Variants in RAI1 observed in about 807,000 individuals in gnomAD.
RAI1 encodes retinoic acid-induced protein 1.
In RAI1, 9 loss-of-function variants were observed where a neutral mutation model predicts 123.8. The ratio of observed to expected loss-of-function variants is 0.07; its 90% confidence interval spans 0.04 to 0.13. RAI1 has a LOEUF of 0.13. Ranked by LOEUF, RAI1 falls within the 10% of genes least tolerant of loss-of-function variation. The pLI is 1.00. For missense variants in RAI1, 2,256 were observed against 2,545.8 expected (o/e 0.89, Z 2.45); for synonymous variants, 1,231 against 1,127.3 (o/e 1.09, Z -1.84).
intron 1 of RAI1, among the ~76,000 whole-genome samples, chr17:17,710,334 A>G (rs2142903832): frequency 6.6e-6 from 1 of 151,890 alleles, no homozygotes; most frequent in Middle Eastern, 3.4e-3. Flanking sequence ...CCCCATGGAG[A>G]CCCCGGGGTA....
At chr17:17,783,041 G>A (rs7502200) in intron 2 of RAI1, among the ~76,000 whole-genome samples, 4 of 150,840 alleles carry the variant, frequency 2.7e-5, no homozygotes, top group East Asian at 4.0e-4. Context: ...GGGCGGCTAC[G>A]GGAGAATCAG....
chr17:17,807,507 C>A (rs1006996536), intron 4 of RAI1, among the ~76,000 whole-genome samples: 8 of 152,264 alleles, frequency 5.3e-5, no homozygotes, highest in African/African-American at 1.9e-4. Context: ...GGCTGCTACA[C>A]CACAGTGTCC....
intron 1 of RAI1, among the ~76,000 whole-genome samples, chr17:17,712,031 C>T (rs956934956): frequency 3.9e-5 from 6 of 152,236 alleles, no homozygotes; most frequent in African/African-American, 1.2e-4. Flanking sequence ...ATGCTGGCTC[C>T]GTTAACAAAA....
intron 2 of RAI1, among the ~76,000 whole-genome samples, chr17:17,738,201 G>A (rs1206060000): frequency 1.3e-5 from 2 of 150,778 alleles, no homozygotes; most frequent in Non-Finnish European, 3.0e-5. Context: ...CCTGACAGAG[G>A]AAGGTGAGGG....
chr17:17,697,413 G>T (rs1915075627), intron 1 of RAI1, among the ~76,000 whole-genome samples: 1 of 152,240 alleles, frequency 6.6e-6, no homozygotes, highest in African/African-American at 2.4e-5. Context: ...GAAATGAAAA[G>T]ATTAGGGAAA....
Position 17,795,814 on chromosome 17 carries a change from C to T in RAI1, c.2866C>T (p.Pro956Ser), listed in dbSNP as rs943570523. 1.9e-6 allele frequency: 3 copies of T among 1,613,602 alleles called. No individual in the cohort carries two copies. Among genetic ancestry groups the T allele is most frequent in the Non-Finnish European group, 2.5e-6 (3 of 1,180,012 alleles). ...LSHMKPGEEG[P>S]DGERAPGDST... is the part of the protein sequence containing the mutation. ...ACACATGAAGCCAGGTGAAGAGGGGCCTGATGGGGAGCGAGCTCCAGGGGA... is the reference window on the plus strand; with the variant it reads ...ACACATGAAGCCAGGTGAAGAGGGGTCTGATGGGGAGCGAGCTCCAGGGGA... The change falls in exon 3 of 6, where the codon CCT becomes TCT. Residue 956 changes from proline to serine, a missense_variant. Coordinates refer to ENST00000353383, the MANE Select transcript of RAI1 (RefSeq NM_030665.4). This position sits in a 1 kb window ranked among gnomAD's most constrained non-coding sequence, Gnocchi z 5.9.
intron 2 of RAI1, among the ~76,000 whole-genome samples, chr17:17,761,533 G>A (rs1280414436): frequency 6.6e-6 from 1 of 152,206 alleles, no homozygotes; most frequent in Non-Finnish European, 1.5e-5. Flanking sequence ...GGGGAAGAGG[G>A]TATCTAGGGC....
intron 2 of RAI1, among the ~76,000 whole-genome samples, chr17:17,786,101 G>C (rs2031816836): frequency 1.3e-5 from 2 of 152,190 alleles, no homozygotes; most frequent in Admixed American, 6.5e-5. Context: ...CTGGTGCTGA[G>C]AGGGGCTGCT....
At chr17:17,718,853 A>C (rs1226210962) in intron 1 of RAI1, among the ~76,000 whole-genome samples, 6 of 152,130 alleles carry the variant, frequency 3.9e-5, no homozygotes, top group Admixed American at 6.6e-5. Context: ...CATTGGCATG[A>C]AGGGCATTAA....
chr17:17,809,109 C>T lies in RAI1; in HGVS notation c.5660-281C>T. On this transcript the variant is annotated intron_variant, in intron 4 of 5. Transcript: ENST00000353383. This position sits in a 1 kb window ranked among gnomAD's most constrained non-coding sequence, Gnocchi z 4.9. ...CGGGAGGGAGGGAGGGACTGAGGGACTGCCTCAAGTGAGGAGGGGCGGCAC... is the reference window on the plus strand; with the variant it reads ...CGGGAGGGAGGGAGGGACTGAGGGATTGCCTCAAGTGAGGAGGGGCGGCAC... 1.9e-6 allele frequency: 1 copy of T among 529,914 alleles called. No homozygotes were observed. The allele number at this position is 529,914 out of a possible 1,614,324, so 32.8% of individuals were successfully genotyped here.
Position 17,793,996 on chromosome 17 carries a change from G to T in RAI1, c.1048G>T (p.Val350Leu), listed in dbSNP as rs746652874. The T allele has an allele frequency of 6.2e-7, 1 of 1,613,812 alleles. No individual in the cohort carries two copies. The highest frequency in any genetic ancestry group is 1.1e-5 in the South Asian group (1 of 91,060). ...CTCCAGCCACTCACCCGCCCGCTCC[G>T]TGGGCCGCTCACCTTCCTACAGTTC... ...PSSSHSPARS[V>L]GRSPSYSSTP... The change falls in exon 3 of 6, where the codon GTG becomes TTG. Residue 350 changes from valine (V) to leucine (L), a missense_variant. This residue lies in a region of RAI1 where 357 missense variants were observed against 480.2 expected (regional missense o/e 0.74). Transcript: ENST00000353383.
intron 2 of RAI1, among the ~76,000 whole-genome samples, chr17:17,762,890 C>T (rs1225230901): frequency 2.6e-5 from 4 of 152,038 alleles, no homozygotes; most frequent in Non-Finnish European, 5.9e-5. Context: ...AAGCAAGAGG[C>T]TCCCATGGGG....
chr17:17,761,391 C>T (rs1267218722), intron 2 of RAI1, among the ~76,000 whole-genome samples: 1 of 152,124 alleles, frequency 6.6e-6, no homozygotes, highest in Non-Finnish European at 1.5e-5. Flanking sequence ...ACGTCATTAG[C>T]TTTTTCTGAG....
intron 3 of RAI1, chr17:17,802,290 G>A: frequency 2.4e-6 from 1 of 413,880 alleles, no homozygotes; most frequent in Admixed American, 2.5e-5. Flanking sequence ...CCTCTCACAG[G>A]TCTGAGAGCT....
intron 2 of RAI1, among the ~76,000 whole-genome samples, chr17:17,758,525 C>T (rs777302806): frequency 6.6e-6 from 1 of 152,200 alleles, no homozygotes; most frequent in African/African-American, 2.4e-5. Context: ...GCTTCGTAAA[C>T]TGGAAAGGGC....
chr17:17,753,936 C>T (rs1362528941), intron 2 of RAI1, among the ~76,000 whole-genome samples: 1 of 152,202 alleles, frequency 6.6e-6, no homozygotes, highest in South Asian at 2.1e-4. Context: ...TGTCCACACA[C>T]ACTTCAACTT....
rs1389509228 is a variant in RAI1 at position 17,794,628 on chromosome 17, T to A, written c.1680T>A (p.Ser560=). 3 of 1,613,112 alleles carry A rather than the reference T, an allele frequency of 1.9e-6. No homozygotes were observed. The highest frequency in any genetic ancestry group is 2.5e-6 in the Non-Finnish European group (3 of 1,180,034). ...CCGTGTCCACCTGTTCTGTGACCTC[T>A]CCTGACGACATGTCCACCAAATCTG... is the stretch of plus-strand genomic sequence containing the variant. ...PESVSTCSVT[S]PDDMSTKSDD... Residue 560 remains serine, a synonymous_variant, in exon 3 of 6, where the codon TCT becomes TCA. Coordinates refer to ENST00000353383, the MANE Select transcript of RAI1 (RefSeq NM_030665.4).
In RAI1 at chr17:17,809,195, C is replaced by T; in HGVS notation, c.5660-195C>T. On this transcript the variant is annotated intron_variant, in intron 4 of 5. Transcript: ENST00000353383. This position sits in a 1 kb window ranked among gnomAD's most constrained non-coding sequence, Gnocchi z 4.9. ...GTGAGGTGAGTCAAGACTGCCAGGC[C>T]AGGGGCCGCACCCGCGCCGTGGAGT... The T allele has an allele frequency of 2.9e-6, 2 of 685,356 alleles. No individual in the cohort carries two copies. The highest frequency in any genetic ancestry group is 1.6e-5 in the South Asian group (1 of 62,578). 42.5% of individuals were successfully genotyped at this position (685,356 alleles called of 1,614,324 possible).
At chr17:17,693,278 T>A (rs924452968) in intron 1 of RAI1, among the ~76,000 whole-genome samples, 1 of 151,394 alleles carries the variant, frequency 6.6e-6, no homozygotes, top group Non-Finnish European at 1.5e-5. Flanking sequence ...TTCCTCCACC[T>A]CCTCTGATCA....
Sources: allele counts gnomAD v4.1 joint callset (sites outside exome capture counted in the v4.1 genomes callset), GRCh38; gene constraint gnomAD v4.1.1; regional missense constraint gnomAD v4.1.1; non-coding constraint Gnocchi (gnomAD v3.1); transcripts MANE v1.5; gene names NCBI Gene and HGNC (gene_info 2026-07-23, HGNC 2026-07-21).